RSU1: variants seen among roughly 807,000 people sequenced by gnomAD.
The protein encoded by RSU1 is rsu-1.
A neutral mutation model predicts 31.1 loss-of-function variants in RSU1; 26 were observed. The ratio of observed to expected loss-of-function variants is 0.84; its 90% CI spans 0.61 to 1.16. The LOEUF (loss-of-function observed/expected upper bound fraction) is 1.16, where lower values mean the gene tolerates loss of function less well. Ranked by LOEUF, RSU1 falls within the 50% of genes most tolerant of loss-of-function variation. The pLI is 0.00. For missense variants in RSU1, 320 were observed against 339.1 expected (o/e 0.94, Z 0.44); for synonymous variants, 164 against 136.3 (o/e 1.20, Z -1.41).
chr10:16,675,241 G>C (rs925225306), intron 8 of RSU1, among the ~76,000 whole-genome samples: 1 of 150,852 alleles, frequency 6.6e-6, no homozygotes, highest in Non-Finnish European at 1.5e-5. Context: ...GTGTAAAGCT[G>C]TTAGTGTTAA....
intron 4 of RSU1, among the ~76,000 whole-genome samples, chr10:16,761,547 G>A (rs1231806789): frequency 1.3e-5 from 2 of 152,114 alleles, no homozygotes; most frequent in Non-Finnish European, 2.9e-5. Context: ...GGCAGGCAGT[G>A]CTGTGAGCGT....
intron 2 of RSU1, among the ~76,000 whole-genome samples, chr10:16,783,364 CT>C (rs57270890): frequency 7.6e-5 from 10 of 132,010 alleles, no homozygotes; most frequent in South Asian, 4.6e-4. Context: ...ACAACTTTTG[CT>C]TTTTTTTTTG....
At chr10:16,712,097 T>C (rs2131581293) in intron 7 of RSU1, among the ~76,000 whole-genome samples, 1 of 152,322 alleles carries the variant, frequency 6.6e-6, no homozygotes, top group Non-Finnish European at 1.5e-5. Context: ...CCTTTTTTCT[T>C]TTTCCAGTTT....
At chr10:16,623,724 G>A (rs1399631031) in intron 8 of RSU1, among the ~76,000 whole-genome samples, 1 of 152,154 alleles carries the variant, frequency 6.6e-6, no homozygotes, top group East Asian at 1.9e-4. Context: ...TCTGACTGGT[G>A]TGAGATAGTA....
chr10:16,616,658 C>T (rs1475865337), intron 8 of RSU1, among the ~76,000 whole-genome samples: 4 of 152,152 alleles, frequency 2.6e-5, no homozygotes, highest in Admixed American at 6.5e-5. Flanking sequence ...CATCAAAAAG[C>T]GTATCCACCA....
intron 8 of RSU1, among the ~76,000 whole-genome samples, chr10:16,686,742 G>C (rs1453346695): frequency 1.3e-5 from 2 of 152,120 alleles, no homozygotes; most frequent in Non-Finnish European, 2.9e-5. Flanking sequence ...GGAGGAGAGA[G>C]ACACACACAG....
chr10:16,679,388 A>G (rs17139016), intron 8 of RSU1, among the ~76,000 whole-genome samples: 2,277 of 152,300 alleles, frequency 0.015, 60 homozygotes, highest in African/African-American at 0.052. Context: ...CATACAGTAC[A>G]TACAAGGCAT....
At chr10:16,790,987 G>T (rs995548152) in intron 2 of RSU1, among the ~76,000 whole-genome samples, 1 of 152,154 alleles carries the variant, frequency 6.6e-6, no homozygotes, top group African/African-American at 2.4e-5. Flanking sequence ...CTTTATAGCA[G>T]TGTGAGAACA....
intron 7 of RSU1, among the ~76,000 whole-genome samples, chr10:16,722,180 C>A (rs1836278571): frequency 6.6e-6 from 1 of 152,048 alleles, no homozygotes; most frequent in Non-Finnish European, 1.5e-5. Context: ...CTTACTGTGC[C>A]TGATTTATAA....
At chr10:16,614,646 CA>C (rs1350057153) in intron 8 of RSU1, among the ~76,000 whole-genome samples, 12 of 152,080 alleles carry the variant, frequency 7.9e-5, no homozygotes, top group Admixed American at 6.6e-5. Context: ...TGTGTACCCA[CA>C]AAAATTAAAA....
At chr10:16,688,910 AG>A (rs1201985492) in intron 8 of RSU1, among the ~76,000 whole-genome samples, 7 of 151,758 alleles carry the variant, frequency 4.6e-5, no homozygotes, top group African/African-American at 1.7e-4. Context: ...AGGGAAGCTG[AG>A]GCAGGGGGAT....
At chr10:16,671,621 G>GTTTT (rs879801350) in intron 8 of RSU1, among the ~76,000 whole-genome samples, 6 of 149,240 alleles carry the variant, frequency 4.0e-5, no homozygotes, top group African/African-American at 1.5e-4. Flanking sequence ...ACTCAAAGGT[G>GTTTT]TTTTTTTTTG....
At chr10:16,706,163 A>T (rs945068329) in intron 7 of RSU1, among the ~76,000 whole-genome samples, 3 of 152,326 alleles carry the variant, frequency 2.0e-5, no homozygotes, top group East Asian at 1.9e-4. Flanking sequence ...CTCAGAAGTG[A>T]AACTGCTGGG....
intron 8 of RSU1, among the ~76,000 whole-genome samples, chr10:16,609,611 G>A (rs1238011202): frequency 2.0e-5 from 3 of 152,194 alleles, no homozygotes; most frequent in Admixed American, 6.5e-5. Context: ...ACATTCCAAA[G>A]GAAAGTGTGC....
At chr10:16,652,521 G>A (rs534258861) in intron 8 of RSU1, among the ~76,000 whole-genome samples, 1 of 151,586 alleles carries the variant, frequency 6.6e-6, no homozygotes, top group South Asian at 2.1e-4. Flanking sequence ...GGTTATACAC[G>A]TTTGTCAAAA....
chr10:16,745,266 A>G (rs985723608), intron 7 of RSU1, among the ~76,000 whole-genome samples: 6 of 152,162 alleles, frequency 3.9e-5, no homozygotes, highest in Non-Finnish European at 7.4e-5. Context: ...AATCAAGGCT[A>G]AATTCTTTAA....
rs1179591527 is a variant in RSU1, at chr10:16,694,852, C to T, written c.731+171G>A. ...TCGACTTCCCCAAATGCTAGGATTA[C>T]AGCTGTGAGCCACACCACACCTGGC... On this transcript the variant is annotated intron_variant, in intron 8 of 8. Coordinates refer to ENST00000345264, the MANE Select transcript of RSU1 (RefSeq NM_012425.4). Among the ~76,000 whole-genome samples, 4 of 152,178 alleles carry T rather than the reference C, an allele frequency of 2.6e-5. No homozygotes were observed. The East Asian group carries it at 7.7e-4, about 29-fold the overall frequency.
chr10:16,673,482 T>G (rs988266682), intron 8 of RSU1, among the ~76,000 whole-genome samples: 6 of 152,214 alleles, frequency 3.9e-5, no homozygotes, highest in Admixed American at 3.9e-4. Flanking sequence ...ACTGGGAGAA[T>G]TTTTCTTAGC....
chr10:16,627,041 G>A lies in RSU1; in HGVS notation c.732-33545C>T, dbSNP rs1459813757. On this transcript the variant is annotated intron_variant, in intron 8 of 8. Coordinates refer to ENST00000345264, the MANE Select transcript of RSU1 (RefSeq NM_012425.4). ...ATACTGATATTCCTGTGCAAATGAG[G>A]TGAGACTGAATTTGGGGAACTTTTC... is the stretch of plus-strand genomic sequence containing the variant. Among the ~76,000 whole-genome samples the A allele has an allele frequency of 3.3e-5, 5 of 152,206 alleles. No individual in the cohort carries two copies. The South Asian group carries it at 6.2e-4, about 19-fold the overall frequency.
Sources: gnomAD v4.1 joint callset for allele counts (sites outside exome capture counted in the v4.1 genomes callset) on GRCh38, gnomAD v4.1.1 for gene constraint, MANE v1.5 for transcripts, NCBI Gene and HGNC (gene_info 2026-07-23, HGNC 2026-07-21) for gene names.